The following ANKRD36B variants were observed in gnomAD, a reference collection of about 807,000 sequenced individuals.
ANKRD36B encodes ankyrin repeat domain 36B.
In ANKRD36B, 37 loss-of-function variants were observed where a neutral mutation model predicts 135.7. That is an observed-to-expected ratio of 0.27 (90% CI 0.21 to 0.36). The LOEUF (loss-of-function observed/expected upper bound fraction) is 0.36, where lower values mean the gene tolerates loss of function less well. ANKRD36B is among the 10% of genes least tolerant of loss of function. The pLI is 1.00. For missense variants in ANKRD36B, 549 were observed against 1,037.1 expected (o/e 0.53, Z 6.46); for synonymous variants, 179 against 348.1 (o/e 0.51, Z 5.41).
At chr2:97,552,405 T>G (rs10169777) in intron 16 of ANKRD36B, among the ~76,000 whole-genome samples, 83,973 of 151,232 alleles carry the variant, frequency 0.56, 24,895 homozygotes, top group Non-Finnish European at 0.67. Context: ...GGTAGCTCCT[T>G]CAACAAGGAA....
chr2:97,547,339 G>A (rs1365372740), intron 22 of ANKRD36B, 197 bp downstream of exon 22: 3 of 619,718 alleles, frequency 4.8e-6, no homozygotes, highest in South Asian at 2.0e-5. Context: ...ATGTGGGGAA[G>A]TGTATAACCT....
intron 6 of ANKRD36B, among the ~76,000 whole-genome samples, chr2:97,573,937 A>C (rs1056982265): frequency 6.6e-6 from 1 of 152,228 alleles, no homozygotes; most frequent in African/African-American, 2.4e-5. Flanking sequence ...TAAAAACCCT[A>C]AAAGAAAACC....
intron 8 of ANKRD36B, 98 bp from the exon 9 acceptor site, chr2:97,559,092 C>A: frequency 6.5e-7 from 1 of 1,539,212 alleles, no homozygotes; most frequent in Non-Finnish European, 8.7e-7. Flanking sequence ...ATCTTCCTGC[C>A]TGTACTAGTG....
At chr2:97,567,469 G>A (rs1328231527) in intron 6 of ANKRD36B, among the ~76,000 whole-genome samples, 2 of 151,918 alleles carry the variant, frequency 1.3e-5, no homozygotes, top group African/African-American at 4.8e-5. Flanking sequence ...CCATCTGGAG[G>A]CTGCCTGTCA....
At chr2:97,578,862 A>C in intron 5 of ANKRD36B, 44 bp downstream of exon 5, 1 of 1,589,962 alleles carries the variant, frequency 6.3e-7, no homozygotes, top group Non-Finnish European at 8.6e-7. Context: ...AATTATTTTA[A>C]ACTTCAATTT....
intron 6 of ANKRD36B, among the ~76,000 whole-genome samples, chr2:97,575,216 G>A (rs1175551853): frequency 6.6e-6 from 1 of 151,996 alleles, no homozygotes; most frequent in South Asian, 2.1e-4. Flanking sequence ...TGGGGGTGGG[G>A]AGGGAAAGTT....
intron 16 of ANKRD36B, among the ~76,000 whole-genome samples, chr2:97,552,705 T>C (rs540222066): frequency 6.6e-6 from 1 of 152,026 alleles, no homozygotes; most frequent in East Asian, 2.0e-4. Flanking sequence ...TCCCTCGTCC[T>C]TGGGAAAATA....
In ANKRD36B at chr2:97,559,014, C is replaced by T. The variant is rs567418224; in HGVS notation, c.866-20G>A. On this transcript the variant is annotated intron_variant, in intron 8 of 43. Coordinates refer to ENST00000359901, the MANE Select transcript of ANKRD36B (RefSeq NM_001393939.1). ...AAGACACTGAAAAGCAAAAGGGAAA[C>T]ATAATCACTCACATGTACATATGAT... 3 of 1,602,822 alleles carry T rather than the reference C, an allele frequency of 1.9e-6. No homozygotes were observed. Among genetic ancestry groups the T allele is most frequent in the Non-Finnish European group, 2.5e-6 (3 of 1,178,298 alleles).
chr2:97,563,594 A>ACATT (rs917225647), intron 6 of ANKRD36B, among the ~76,000 whole-genome samples: 2 of 152,058 alleles, frequency 1.3e-5, no homozygotes, highest in African/African-American at 4.8e-5. Flanking sequence ...TTAGAGTTTA[A>ACATT]CATTCATGAA....
At chr2:97,549,144 T>A (rs2079785511) in intron 20 of ANKRD36B, among the ~76,000 whole-genome samples, 1 of 151,870 alleles carries the variant, frequency 6.6e-6, no homozygotes, top group Non-Finnish European at 1.5e-5. Context: ...ACTATGCTCT[T>A]CCCCAGAGCC....
chr2:97,530,235 A>C lies in ANKRD36B; in HGVS notation c.2265+2076T>G, dbSNP rs1440826052. 1.5e-4 allele frequency among the ~76,000 whole-genome samples: 14 copies of C among 95,332 alleles called. 4 individuals carry two copies. Among genetic ancestry groups the C allele is most frequent in the Non-Finnish European group, 3.1e-4 (11 of 35,914 alleles). 62.5% of individuals were successfully genotyped at this position (95,332 alleles called of 152,430 possible). On this transcript the variant is annotated intron_variant, in intron 35 of 43. Coordinates refer to ENST00000359901, the MANE Select transcript of ANKRD36B (RefSeq NM_001393939.1). ...TAGACCAATGGAACAGAACAGAGCC[A>C]TCAGAAATAATGCCACATATCTACA...
rs1399749164 is a variant in ANKRD36B, at chr2:97,540,096, T to C, written c.1925A>G (p.Asp642Gly). Reference sequence around the variant, plus strand: ...TATATTCGAAACAGAATCTTTCTCATCACCTGTAGTCTGAATGGAATTTGA... The same window carrying C: ...TATATTCGAAACAGAATCTTTCTCACCACCTGTAGTCTGAATGGAATTTGA... ...QRRPALKTTG[D>G]EKDSVSNIAR... The change falls in exon 30 of 44, where the codon GAT becomes GGT. Residue 642 changes from aspartate (D) to glycine (G), a missense_variant. By Grantham distance (94) the Asp-to-Gly change is moderately conservative. Coordinates refer to ENST00000359901, the MANE Select transcript of ANKRD36B (RefSeq NM_001393939.1). 2.1e-6 allele frequency: 2 copies of C among 941,840 alleles called. No individual in the cohort carries two copies. The highest frequency in any genetic ancestry group is 3.2e-6 in the Non-Finnish European group (2 of 628,792). The allele number at this position is 941,840 out of a possible 1,614,324, so 58.3% of individuals were successfully genotyped here. A position where few individuals can be genotyped will look rare whatever the true frequency, so the allele number is the denominator to read the frequency against.
At chr2:97,555,979 C>T (rs1168366290) in intron 12 of ANKRD36B, among the ~76,000 whole-genome samples, 1 of 151,784 alleles carries the variant, frequency 6.6e-6, no homozygotes, top group South Asian at 2.1e-4. Flanking sequence ...AATGCAATGG[C>T]TCCTGGCATT....
chr2:97,553,121 T>C (rs1285770362), intron 16 of ANKRD36B, 47 bp downstream of exon 16: 15 of 1,588,128 alleles, frequency 9.4e-6, no homozygotes, highest in African/African-American at 2.7e-5. Context: ...GAGAAGTTCG[T>C]TTCTATCTGG....
At chr2:97,539,754 G>T in intron 30 of ANKRD36B, 1 of 185,378 alleles carries the variant, frequency 5.4e-6, no homozygotes, top group South Asian at 4.4e-5. Flanking sequence ...TAGAATTAAA[G>T]CAAAATTATG....
At chr2:97,527,392 C>G (rs1184305359) in intron 35 of ANKRD36B, among the ~76,000 whole-genome samples, 1 of 93,764 alleles carries the variant, frequency 1.1e-5, no homozygotes, top group Non-Finnish European at 2.8e-5. Context: ...CCTAAAAGAG[C>G]TCCTGAAGAA....
intron 12 of ANKRD36B, among the ~76,000 whole-genome samples, chr2:97,556,241 T>TA (rs2080510850): frequency 6.6e-6 from 1 of 151,854 alleles, no homozygotes; most frequent in African/African-American, 2.4e-5. Context: ...GAATAACTAA[T>TA]AAAAAATATA....
At chr2:97,555,282 C>T (rs371779590) in intron 12 of ANKRD36B, 28 bp from the exon 13 acceptor site, 3 of 1,609,932 alleles carry the variant, frequency 1.9e-6, no homozygotes, top group Non-Finnish European at 2.5e-6. Context: ...TACATAATCA[C>T]TCATATGTAA....
At chr2:97,560,371 G>C (rs1215479197) in intron 8 of ANKRD36B, among the ~76,000 whole-genome samples, 1 of 151,796 alleles carries the variant, frequency 6.6e-6, no homozygotes, top group Non-Finnish European at 1.5e-5. Context: ...ATGGAAACAT[G>C]CTGTAAAATT....
Sources: allele counts gnomAD v4.1 joint callset (sites outside exome capture counted in the v4.1 genomes callset), GRCh38; gene constraint gnomAD v4.1.1; transcripts MANE v1.5; gene names NCBI Gene and HGNC (gene_info 2026-07-23, HGNC 2026-07-21).